Variants in AGBL1 observed in about 807,000 individuals in gnomAD.
AGBL1 encodes the protein cytosolic carboxypeptidase 4.
AGBL1 carries 130 observed loss-of-function variants against 118.9 expected under a neutral mutation model. That is an observed-to-expected ratio of 1.09 (90% CI 0.95 to 1.26). AGBL1 has a LOEUF of 1.26. Among genes scored for constraint, AGBL1 ranks in the 50% most tolerant of loss-of-function variants. The probability of loss-of-function intolerance (pLI) is 0.00; values close to 1 mark genes in which losing one functional copy is unlikely to be tolerated. For synonymous variants in AGBL1, 555 were observed against 478.9 expected (o/e 1.16, Z -2.08); for missense variants, 1,584 against 1,298.1 (o/e 1.22, Z -3.38).
At chr15:86,370,314 T>TG (rs2080953544) in intron 17 of AGBL1, among the ~76,000 whole-genome samples, 1 of 151,048 alleles carries the variant, frequency 6.6e-6, no homozygotes, top group African/African-American at 2.4e-5. Context: ...TTTTTTTTTT[T>TG]TTTTTCTTTA....
chr15:86,893,667 T>A (rs2080083380), intron 22 of AGBL1, among the ~76,000 whole-genome samples: 1 of 152,150 alleles, frequency 6.6e-6, no homozygotes, highest in Non-Finnish European at 1.5e-5. Context: ...AAAGCTGCAT[T>A]TATATAGGTT....
intron 9 of AGBL1, among the ~76,000 whole-genome samples, chr15:86,258,761 C>T (rs181461704): frequency 5.6e-4 from 85 of 152,146 alleles, no homozygotes; most frequent in Non-Finnish European, 4.4e-5. Context: ...GGCTGGAGTG[C>T]AGTGGTGTGA....
chr15:86,616,421 T>A (rs1216337496), intron 21 of AGBL1, among the ~76,000 whole-genome samples: 5 of 151,858 alleles, frequency 3.3e-5, no homozygotes, highest in Non-Finnish European at 7.3e-5. Flanking sequence ...CATTGTATGA[T>A]GTTACTATAG....
intron 22 of AGBL1, among the ~76,000 whole-genome samples, chr15:86,738,653 T>C (rs368172471): frequency 2.3e-4 from 35 of 152,350 alleles, no homozygotes; most frequent in African/African-American, 8.2e-4. Flanking sequence ...CAATAGAATA[T>C]TGTCTCATGT....
chr15:86,164,449 T>G (rs2077309255), intron 5 of AGBL1, among the ~76,000 whole-genome samples: 1 of 152,204 alleles, frequency 6.6e-6, no homozygotes, highest in Non-Finnish European at 1.5e-5. Flanking sequence ...TCTTGTGACC[T>G]TAGGAAAGCT....
intron 18 of AGBL1, among the ~76,000 whole-genome samples, chr15:86,488,514 G>T (rs568602913): frequency 3.6e-4 from 55 of 152,040 alleles, no homozygotes; most frequent in Middle Eastern, 3.4e-3. Flanking sequence ...ACTCAGATGC[G>T]GTCCTAAGAT....
At chr15:86,433,461 C>T (rs929534520) in intron 18 of AGBL1, among the ~76,000 whole-genome samples, 1 of 152,000 alleles carries the variant, frequency 6.6e-6, no homozygotes, top group East Asian at 1.9e-4. Context: ...GCAAGGAAGA[C>T]TGAATGAAAC....
At chr15:86,166,321 A>G (rs1196797814) in intron 5 of AGBL1, among the ~76,000 whole-genome samples, 1 of 152,224 alleles carries the variant, frequency 6.6e-6, no homozygotes, top group East Asian at 1.9e-4. Context: ...GATGTAGTGT[A>G]TGAGGAAGGC....
At chr15:86,307,367 A>G (rs943884727) in intron 17 of AGBL1, among the ~76,000 whole-genome samples, 21 of 152,072 alleles carry the variant, frequency 1.4e-4, no homozygotes, top group African/African-American at 4.8e-4. Flanking sequence ...AGATTTATTG[A>G]TTATTGATCA....
At chr15:86,776,493 C>T (rs16977974) in intron 22 of AGBL1, among the ~76,000 whole-genome samples, 8,253 of 151,758 alleles carry the variant, frequency 0.054, 731 homozygotes, top group African/African-American at 0.19. Flanking sequence ...TTTTTCTATT[C>T]GTTGCTTCTC....
At chr15:87,014,975 G>A (rs2081595584) in intron 24 of AGBL1, among the ~76,000 whole-genome samples, 1 of 152,092 alleles carries the variant, frequency 6.6e-6, no homozygotes, top group African/African-American at 2.4e-5. Context: ...TGAGTTGGTG[G>A]ACTGAGTGGT....
intron 22 of AGBL1, among the ~76,000 whole-genome samples, chr15:86,758,733 A>G (rs114629740): frequency 0.04 from 6,155 of 151,998 alleles, 302 homozygotes; most frequent in African/African-American, 0.1. Context: ...GCACTTTGGG[A>G]GGCCGAGGTG....
At position 86,613,518 on chromosome 15, in the gene AGBL1, G is replaced by T. The variant is rs1225733454; in HGVS notation, c.2994+58981G>T. ...CTTAAAGGCTGCCATGTGAAAGAGAGATTAGGATTATTCAGTGTGTTTATA... is the reference window on the plus strand; with the variant it reads ...CTTAAAGGCTGCCATGTGAAAGAGATATTAGGATTATTCAGTGTGTTTATA... On this transcript the variant is annotated intron_variant, in intron 21 of 22. Transcript: ENST00000614907. The surrounding 1 kb of genome is among the most constrained non-coding windows in gnomAD (Gnocchi z 4.2). 2.0e-5 allele frequency among the ~76,000 whole-genome samples: 3 copies of T among 151,918 alleles called. No homozygotes were observed. Among genetic ancestry groups the T allele is most frequent in the African/African-American group, 7.3e-5 (3 of 41,216 alleles).
chr15:86,107,309 G>A (rs1170021526), intron 1 of AGBL1, among the ~76,000 whole-genome samples: 1 of 152,196 alleles, frequency 6.6e-6, no homozygotes, highest in Non-Finnish European at 1.5e-5. Flanking sequence ...CATATGTAGT[G>A]GCCAGAAATT....
At chr15:87,019,571 T>C (rs909890727) in intron 24 of AGBL1, among the ~76,000 whole-genome samples, 2 of 151,926 alleles carry the variant, frequency 1.3e-5, no homozygotes, top group African/African-American at 4.8e-5. Context: ...TCTTTGAAAC[T>C]AATAAAAACA....
At chr15:86,481,773 C>G (rs2082654181) in intron 18 of AGBL1, among the ~76,000 whole-genome samples, 2 of 152,096 alleles carry the variant, frequency 1.3e-5, no homozygotes, top group African/African-American at 4.8e-5. Context: ...CATCTTAGAA[C>G]TAGACAGAAC....
At chr15:86,396,264 C>T (rs4519314) in intron 17 of AGBL1, among the ~76,000 whole-genome samples, 2,868 of 140,366 alleles carry the variant, frequency 0.02, 40 homozygotes, top group Non-Finnish European at 0.031. Flanking sequence ...TATATATATA[C>T]ACACACACGT....
chr15:86,563,626 T>G (rs1003942610), intron 21 of AGBL1, among the ~76,000 whole-genome samples: 1 of 152,096 alleles, frequency 6.6e-6, no homozygotes, highest in Non-Finnish European at 1.5e-5. Context: ...GGGTGGATGG[T>G]TATGTGGATG....
At chr15:86,262,572 G>C (rs2079009387) in intron 9 of AGBL1, 6 of 629,270 alleles carry the variant, frequency 9.5e-6, no homozygotes, top group Admixed American at 2.2e-5. Context: ...TGACATAAAT[G>C]CTGAGACAAG....
Sources: gnomAD v4.1 joint callset for allele counts (sites outside exome capture counted in the v4.1 genomes callset) on GRCh38, gnomAD v4.1.1 for gene constraint, Gnocchi (gnomAD v3.1) non-coding constraint, MANE v1.5 for transcripts, NCBI Gene and HGNC (gene_info 2026-07-23, HGNC 2026-07-21) for gene names.